SYTL4: variants seen among roughly 807,000 people sequenced by gnomAD.
SYTL4 encodes the protein synaptotagmin-like protein 4.
In SYTL4, 16 loss-of-function variants were observed where a neutral mutation model predicts 52.7. The observed-to-expected ratio is 0.30, with a 90% CI of 0.21 to 0.46. SYTL4 has a LOEUF of 0.46. Ranked by LOEUF, SYTL4 falls within the 20% of genes least tolerant of loss-of-function variation. The probability of loss-of-function intolerance (pLI) is 1.00; values close to 1 mark genes in which losing one functional copy is unlikely to be tolerated. For missense variants in SYTL4, 423 were observed against 519.9 expected, an observed-to-expected ratio of 0.81 and a Z score of 1.81; for synonymous variants, 160 against 186.6, an observed-to-expected ratio of 0.86 and a Z score of 1.16.
intron 17 of SYTL4, 137 bp downstream of exon 17, chrX:100,681,090 T>G: frequency 2.0e-6 from 1 of 493,993 alleles, no homozygotes; most frequent in South Asian, 3.0e-5. Context: ...GCTTCCTTAG[T>G]AAAGGAATCT....
chrX:100,699,405 GAAAAGAAAAGAAAAA>G (rs1347004511), intron 8 of SYTL4, among the ~76,000 whole-genome samples: 11 of 69,981 alleles, frequency 1.6e-4, no homozygotes, highest in Non-Finnish European at 2.8e-4. Flanking sequence ...AAAGAAAAAA[GAAAAGAAAAGAAAAA>G]AAAAGAAAAG....
chrX:100,729,357 G>T (rs2084591960), intron 2 of SYTL4, among the ~76,000 whole-genome samples: 1 of 111,707 alleles, frequency 9.0e-6, no homozygotes, highest in Non-Finnish European at 1.9e-5. Context: ...CCCACAGGGT[G>T]TTTATGTTAT....
At chrX:100,711,594 T>C (rs780955516) in intron 2 of SYTL4, among the ~76,000 whole-genome samples, 3 of 110,589 alleles carry the variant, frequency 2.7e-5, no homozygotes, top group East Asian at 5.6e-4. Flanking sequence ...GACATAGCAA[T>C]AGAAATTATT....
rs964481418 is a variant in SYTL4, at chrX:100,682,118, C to T, written c.1450-783G>A. 1.8e-5 allele frequency among the ~76,000 whole-genome samples: 2 copies of T among 111,211 alleles called. 1 individual carries two copies. Among genetic ancestry groups the T allele is most frequent in the Admixed American group, 1.9e-4 (2 of 10,446 alleles). ...GCTAAGTAACTTGCCCAAGGTCACA[C>T]AGTTAGTAATTGGCAGAGCTAGGAT... On this transcript the variant is annotated intron_variant, in intron 16 of 19. Coordinates refer to ENST00000372989, the MANE Select transcript of SYTL4 (RefSeq NM_001370165.1).
At chrX:100,723,762 G>T (rs1204325253) in intron 2 of SYTL4, among the ~76,000 whole-genome samples, 1 of 108,561 alleles carries the variant, frequency 9.2e-6, no homozygotes, top group Admixed American at 9.6e-5. Context: ...GAGCCCCTCC[G>T]CCCGGCAGCC....
At chrX:100,703,539 C>T (rs918824260) in intron 3 of SYTL4, among the ~76,000 whole-genome samples, 1 of 111,813 alleles carries the variant, frequency 8.9e-6, no homozygotes, top group African/African-American at 3.3e-5. Flanking sequence ...GAGGACAAAT[C>T]AGAGGACAAT....
At chrX:100,681,551 G>T (rs1304083935) in intron 16 of SYTL4, among the ~76,000 whole-genome samples, 1 of 111,738 alleles carries the variant, frequency 8.9e-6, no homozygotes, top group East Asian at 2.8e-4. Flanking sequence ...CCAACAAAGA[G>T]TCTTCTGCAA....
intron 19 of SYTL4, among the ~76,000 whole-genome samples, chrX:100,677,579 CA>C (rs2083300539): frequency 8.9e-6 from 1 of 111,940 alleles, no homozygotes; most frequent in Non-Finnish European, 1.9e-5. Flanking sequence ...TAAGCTCTGC[CA>C]AGCACCAACA....
At position 100,691,132 on chromosome X, in the gene SYTL4, G is replaced by T. The variant is rs1328479591; in HGVS notation, c.617C>A (p.Thr206Lys). ...EAESESLDSF[T>K]ADSDSTSRRD... ...CCTGGAGGTGCTATCCGAGTCAGCT[G>T]TGAAGCTATCCAGACTCTCACTCTC... is the stretch of plus-strand genomic sequence containing the variant. Residue 206 changes from threonine (T) to lysine (K), a missense_variant, in exon 9 of 20, where the codon ACA (threonine) becomes AAA (lysine). By Grantham distance (78) the Thr-to-Lys change is moderately conservative. Coordinates refer to ENST00000372989, the MANE Select transcript of SYTL4 (RefSeq NM_001370165.1). 1.8e-5 allele frequency: 22 copies of T among 1,205,689 alleles called. No individual in the cohort carries two copies. Among genetic ancestry groups the T allele is most frequent in the Non-Finnish European group, 2.5e-5 (22 of 892,541 alleles).
intron 2 of SYTL4, among the ~76,000 whole-genome samples, chrX:100,717,794 T>A (rs12014244): frequency 0.14 from 16,019 of 111,343 alleles, 2,271 homozygotes; most frequent in African/African-American, 0.45. Context: ...TTAAAGACAT[T>A]ACACGGAGAG....
chrX:100,726,517 C>T (rs926630145), intron 2 of SYTL4, among the ~76,000 whole-genome samples: 1 of 109,162 alleles, frequency 9.2e-6, no homozygotes, highest in African/African-American at 3.3e-5. Context: ...ATTGGTGAAT[C>T]CTCTTGTTTC....
At position 100,690,591 on chromosome X, in the gene SYTL4, A is replaced by G. The variant is rs2083576796; in HGVS notation, c.689T>C (p.Met230Thr). Residue 230 changes from methionine (M) to threonine (T), a missense_variant, in exon 10 of 20, where the codon ATG (methionine) becomes ACG (threonine). By Grantham distance (81) the Met-to-Thr change is moderately conservative. Coordinates refer to ENST00000372989, the MANE Select transcript of SYTL4 (RefSeq NM_001370165.1). ...KSGLFPEWKK[M>T]SAPKSQVEKE... ...TTCTACTTGAGATTTGGGAGCAGAC[A>G]TCTTCTTCCATTCTGGAAAGAGGCC... 8.3e-7 allele frequency: 1 copy of G among 1,207,499 alleles called. No individual in the cohort carries two copies. Among genetic ancestry groups the G allele is most frequent in the Non-Finnish European group, 1.1e-6 (1 of 892,929 alleles).
intron 8 of SYTL4, among the ~76,000 whole-genome samples, chrX:100,698,379 A>C (rs776964004): frequency 9.3e-4 from 104 of 112,248 alleles, no homozygotes; most frequent in South Asian, 1.9e-3. Context: ...CTGGGATTAC[A>C]GGAGTGAGCC....
intron 8 of SYTL4, among the ~76,000 whole-genome samples, chrX:100,693,033 C>T (rs1015832229): frequency 3.6e-5 from 4 of 111,960 alleles, no homozygotes; most frequent in Admixed American, 1.9e-4. Context: ...TGGGTTCAAG[C>T]GATCTCCTGC....
chrX:100,706,034 C>T (rs1219703679), intron 2 of SYTL4, among the ~76,000 whole-genome samples: 1 of 110,908 alleles, frequency 9.0e-6, no homozygotes, highest in Non-Finnish European at 1.9e-5. Flanking sequence ...ATTTGAACCA[C>T]TCTCACCAGT....
At chrX:100,708,663 T>C (rs905666453) in intron 2 of SYTL4, among the ~76,000 whole-genome samples, 2 of 112,106 alleles carry the variant, frequency 1.8e-5, no homozygotes, top group East Asian at 2.8e-4. Context: ...ATAATGAAAA[T>C]AGTGGTGAAA....
chrX:100,707,901 C>T (rs1361201172), intron 2 of SYTL4, among the ~76,000 whole-genome samples: 2 of 111,428 alleles, frequency 1.8e-5, no homozygotes, highest in South Asian at 7.7e-4. Flanking sequence ...AATATAGCAT[C>T]CTTGTGGGAC....
At chrX:100,696,878 AAGTT>A (rs2083715725) in intron 8 of SYTL4, among the ~76,000 whole-genome samples, 1 of 107,739 alleles carries the variant, frequency 9.3e-6, no homozygotes, top group East Asian at 2.8e-4. Flanking sequence ...GGGTGAGTGA[AAGTT>A]AGGGGAAAAA....
At position 100,699,482 on chromosome X, in the gene SYTL4, C is replaced by CATTT. The variant is rs1313181387; in HGVS notation, c.539+1414_539+1415insAAAT. ...AATGAATGTTCATAGCAGCATTACT[C>CATTT]TTTTTTTTTTTTTTTTTTTTTTTTT... is the stretch of plus-strand genomic sequence containing the variant. On this transcript the variant is annotated intron_variant, in intron 8 of 19. Coordinates refer to ENST00000372989, the MANE Select transcript of SYTL4 (RefSeq NM_001370165.1). 1.2e-4 allele frequency among the ~76,000 whole-genome samples: 7 copies of CATTT among 59,872 alleles called. 1 individual carries two copies. The highest frequency in any genetic ancestry group is 4.1e-4 in the Admixed American group (2 of 4,835). 52.0% of individuals were successfully genotyped at this position (59,872 alleles called of 115,157 possible).
Sources: gnomAD v4.1 joint callset for allele counts (sites outside exome capture counted in the v4.1 genomes callset) on GRCh38, gnomAD v4.1.1 for gene constraint, MANE v1.5 for transcripts, NCBI Gene and HGNC (gene_info 2026-07-23, HGNC 2026-07-21) for gene names.